COBL: variants seen among roughly 807,000 people sequenced by gnomAD.
The protein encoded by COBL is protein cordon-bleu.
In COBL, 51 loss-of-function variants were observed where a neutral mutation model predicts 98.8. The ratio of observed to expected loss-of-function variants is 0.52; its 90% CI spans 0.41 to 0.65. The LOEUF (loss-of-function observed/expected upper bound fraction) is 0.65, where lower values mean the gene tolerates loss of function less well. Among genes scored for constraint, COBL ranks in the 30% least tolerant of loss-of-function variants. The pLI is 0.00. For missense variants in COBL, 1,617 were observed against 1,617.5 expected, an observed-to-expected ratio of 1.00 and a Z score of 0.01; for synonymous variants, 634 against 651.7, an observed-to-expected ratio of 0.97 and a Z score of 0.41.
At chr7:51,045,728 C>T (rs1046532652) in intron 7 of COBL, among the ~76,000 whole-genome samples, 8 of 152,176 alleles carry the variant, frequency 5.3e-5, no homozygotes, top group Non-Finnish European at 1.0e-4. Flanking sequence ...CCCACCTCCA[C>T]CCCTTCTCTA....
chr7:51,197,691 T>C (rs1055707084), intron 2 of COBL, among the ~76,000 whole-genome samples: 1 of 152,196 alleles, frequency 6.6e-6, no homozygotes. Flanking sequence ...TGAGTCAGAG[T>C]GCTCCTGTAT....
chr7:51,294,329 T>TAAATAAATAAAA (rs963934946), intron 1 of COBL, among the ~76,000 whole-genome samples: 20 of 111,586 alleles, frequency 1.8e-4, no homozygotes, highest in African/African-American at 6.3e-4. Context: ...AATAAATAAA[T>TAAATAAATAAAA]AAAAATAAAT....
At chr7:51,171,640 A>G (rs1405924775) in intron 5 of COBL, among the ~76,000 whole-genome samples, 1 of 152,116 alleles carries the variant, frequency 6.6e-6, no homozygotes, top group Non-Finnish European at 1.5e-5. Flanking sequence ...ATATATTTAT[A>G]CTGTTTTGAT....
intron 2 of COBL, among the ~76,000 whole-genome samples, chr7:51,197,172 C>A (rs1327343854): frequency 1.3e-5 from 2 of 152,144 alleles, no homozygotes; most frequent in Non-Finnish European, 2.9e-5. Context: ...CTATAAATTT[C>A]TCTCTTAAAA....
chr7:51,065,081 G>A (rs991379062), intron 7 of COBL: 3 of 657,326 alleles, frequency 4.6e-6, no homozygotes, highest in Middle Eastern at 2.4e-4. Flanking sequence ...TCGGTCCATA[G>A]AAAACACCTT....
At chr7:51,105,738 A>C (rs1195019344) in intron 6 of COBL, among the ~76,000 whole-genome samples, 1 of 152,110 alleles carries the variant, frequency 6.6e-6, no homozygotes, top group Non-Finnish European at 1.5e-5. Flanking sequence ...CCTGGGCAAC[A>C]GAACAAGACC....
chr7:51,026,557 T>C lies in COBL; in HGVS notation c.3493A>G (p.Ser1165Gly), dbSNP rs1787583500. The C allele has an allele frequency of 6.2e-7, 1 of 1,613,964 alleles. No individual in the cohort carries two copies. The highest frequency in any genetic ancestry group is 1.3e-5 in the African/African-American group (1 of 74,964). Residue 1165 changes from serine (S) to glycine (G), a missense_variant, in exon 11 of 13, where the codon AGC becomes GGC. This residue lies in a region of COBL where 1,304 missense variants were observed against 1,282.0 expected (regional missense o/e 1.02). Coordinates refer to ENST00000265136, the MANE Select transcript of COBL (RefSeq NM_015198.5). ...AAIRGHSGTC[S>G]LRKVASSASE... ...CCTTCACCTCTTACCTTCCTCAGGC[T>C]GCAGGTGCCGCTGTGCCCGCGGATA...
At chr7:51,037,436 T>A (rs1394542744) in intron 8 of COBL, among the ~76,000 whole-genome samples, 1 of 152,248 alleles carries the variant, frequency 6.6e-6, no homozygotes, top group East Asian at 1.9e-4. Flanking sequence ...ATGCAGACTC[T>A]TCAATCTTCA....
intron 1 of COBL, among the ~76,000 whole-genome samples, chr7:51,243,457 C>A (rs991707470): frequency 1.3e-5 from 2 of 152,186 alleles, no homozygotes; most frequent in Admixed American, 1.3e-4. Flanking sequence ...ATTATATACT[C>A]ACCACACAAT....
chr7:51,264,672 CAAAAAAAAAAAA>C (rs5884201), intron 1 of COBL, among the ~76,000 whole-genome samples: 3 of 48,352 alleles, frequency 6.2e-5, no homozygotes, highest in African/African-American at 1.1e-4. Flanking sequence ...CTCCATCTCC[CAAAAAAAAAAAA>C]AAAAAAAAAA....
chr7:51,246,630 T>C (rs554039468), intron 1 of COBL, among the ~76,000 whole-genome samples: 48 of 152,302 alleles, frequency 3.2e-4, no homozygotes, highest in African/African-American at 1.1e-3. Context: ...ATAACTTCTA[T>C]CTCATTCAAA....
At chr7:51,107,219 T>C (rs1027341728) in intron 6 of COBL, among the ~76,000 whole-genome samples, 1 of 151,068 alleles carries the variant, frequency 6.6e-6, no homozygotes, top group Admixed American at 6.6e-5. Context: ...CTCAGCCTCC[T>C]GAGTAGCTGG....
At chr7:51,223,076 TGTGACTAGGAGCAGCCTGCGA>T (rs1427695319) in intron 1 of COBL, among the ~76,000 whole-genome samples, 13 of 152,202 alleles carry the variant, frequency 8.5e-5, no homozygotes, top group African/African-American at 3.1e-4. Flanking sequence ...CCCTCCACAG[TGTGACTAGGAGCAGCCTGCGA>T]GGGCTGTTGT....
chr7:51,087,254 T>C (rs1232713378), intron 6 of COBL, among the ~76,000 whole-genome samples: 9 of 152,294 alleles, frequency 5.9e-5, no homozygotes, highest in Non-Finnish European at 8.8e-5. Flanking sequence ...TATTTAGTTA[T>C]AGTAGATATC....
chr7:51,144,423 C>G (rs1784838542), intron 5 of COBL, among the ~76,000 whole-genome samples: 1 of 152,140 alleles, frequency 6.6e-6, no homozygotes, highest in Admixed American at 6.6e-5. Context: ...CACGGAACTC[C>G]CTGGAGCTTT....
At chr7:51,102,424 C>G (rs980271645) in intron 6 of COBL, among the ~76,000 whole-genome samples, 2 of 152,154 alleles carry the variant, frequency 1.3e-5, no homozygotes, top group Non-Finnish European at 2.9e-5. Context: ...TTAAAGAGGA[C>G]AGATAAGAAC....
chr7:51,073,745 CT>C (rs1236332195), intron 7 of COBL, among the ~76,000 whole-genome samples: 1 of 152,158 alleles, frequency 6.6e-6, no homozygotes, highest in East Asian at 1.9e-4. Flanking sequence ...TCATTTATTT[CT>C]TACCTCTTGA....
intron 2 of COBL, 110 bp downstream of exon 2, chr7:51,219,631 G>C: frequency 8.4e-7 from 1 of 1,186,196 alleles, no homozygotes; most frequent in East Asian, 2.4e-5. Flanking sequence ...GGTTCCTGAG[G>C]TCAGACCTGA....
intron 1 of COBL, among the ~76,000 whole-genome samples, chr7:51,264,667 T>C (rs1293049840): frequency 2.3e-5 from 2 of 87,292 alleles, no homozygotes; most frequent in African/African-American, 4.9e-5. Flanking sequence ...CAAAACTCCA[T>C]CTCCCAAAAA....
Sources: gnomAD v4.1 joint callset for allele counts (sites outside exome capture counted in the v4.1 genomes callset) on GRCh38, gnomAD v4.1.1 for gene constraint, gnomAD v4.1.1 regional missense constraint, MANE v1.5 for transcripts, NCBI Gene and HGNC (gene_info 2026-07-23, HGNC 2026-07-21) for gene names.